ATP9A: variants seen among roughly 807,000 people sequenced by gnomAD.
ATP9A encodes ATPase phospholipid transporting 9A.
In ATP9A, 52 loss-of-function variants were observed where a neutral mutation model predicts 144.1. The ratio of observed to expected loss-of-function variants is 0.36; its 90% confidence interval spans 0.29 to 0.45. ATP9A has a LOEUF of 0.45. Among genes scored for constraint, ATP9A ranks in the 20% least tolerant of loss-of-function variants. The pLI is 1.00. For synonymous variants in ATP9A, 582 were observed against 557.4 expected, an observed-to-expected ratio of 1.04 and a Z score of -0.62; for missense variants, 947 against 1,392.7, an observed-to-expected ratio of 0.68 and a Z score of 5.09.
intron 1 of ATP9A, among the ~76,000 whole-genome samples, chr20:51,743,936 G>A (rs1045980858): frequency 2.0e-5 from 3 of 151,222 alleles, no homozygotes; most frequent in Non-Finnish European, 2.9e-5. Context: ...GAACCCTGGA[G>A]GTGGAGGTTG....
intron 13 of ATP9A, among the ~76,000 whole-genome samples, chr20:51,663,695 G>C (rs2077420595): frequency 6.6e-6 from 1 of 151,678 alleles, no homozygotes; most frequent in South Asian, 2.1e-4. Context: ...TTGGGAGGCT[G>C]AGGCAAGAGA....
intron 15 of ATP9A, among the ~76,000 whole-genome samples, chr20:51,638,894 T>C (rs1286303797): frequency 6.6e-6 from 1 of 152,176 alleles, no homozygotes; most frequent in Non-Finnish European, 1.5e-5. Context: ...TTTTTTAACG[T>C]GCCCGGCCAC....
chr20:51,672,625 T>G (rs560089351), intron 11 of ATP9A, among the ~76,000 whole-genome samples: 15 of 152,110 alleles, frequency 9.9e-5, no homozygotes, highest in Admixed American at 2.6e-4. Flanking sequence ...AGACAAATTC[T>G]CACCAAGATG....
At chr20:51,719,030 C>T (rs577402917) in intron 3 of ATP9A, among the ~76,000 whole-genome samples, 7 of 147,296 alleles carry the variant, frequency 4.8e-5, no homozygotes, top group South Asian at 4.4e-4. Flanking sequence ...CAAGAGGCTG[C>T]GGCAGGAGAA....
intron 9 of ATP9A, among the ~76,000 whole-genome samples, chr20:51,682,738 C>T (rs1232956992): frequency 2.7e-5 from 4 of 149,476 alleles, no homozygotes; most frequent in Admixed American, 6.7e-5. Context: ...ATTACAGGCA[C>T]GCACCACCAC....
At chr20:51,651,590 A>G (rs1467327739) in intron 14 of ATP9A, among the ~76,000 whole-genome samples, 1 of 151,626 alleles carries the variant, frequency 6.6e-6, no homozygotes, top group Non-Finnish European at 1.5e-5. Flanking sequence ...TTGATTCTAC[A>G]ATTTCTCCCT....
chr20:51,690,077 A>T (rs1296090894), intron 8 of ATP9A, among the ~76,000 whole-genome samples: 1 of 131,020 alleles, frequency 7.6e-6, no homozygotes, highest in Admixed American at 9.5e-5. Context: ...GCGCCACTGC[A>T]CTCCAGCCTA....
chr20:51,648,919 T>C (rs1007174663), intron 14 of ATP9A, among the ~76,000 whole-genome samples: 3 of 152,122 alleles, frequency 2.0e-5, no homozygotes, highest in South Asian at 2.1e-4. Context: ...AAGTGAAACA[T>C]GCTCATTTTA....
intron 11 of ATP9A, 69 bp downstream of exon 11, chr20:51,674,084 C>A: frequency 6.7e-7 from 1 of 1,503,472 alleles, no homozygotes; most frequent in South Asian, 1.2e-5. Context: ...GCCACAGAAC[C>A]ATCATCTTTG....
intron 7 of ATP9A, 107 bp from the exon 8 acceptor site, chr20:51,690,926 A>C: frequency 2.3e-6 from 2 of 867,496 alleles, no homozygotes; most frequent in Non-Finnish European, 3.8e-6. Context: ...CACACAGCAA[A>C]TGGCCCCTCA....
At chr20:51,715,149 C>T (rs1461189454) in intron 3 of ATP9A, among the ~76,000 whole-genome samples, 1 of 152,102 alleles carries the variant, frequency 6.6e-6, no homozygotes, top group Admixed American at 6.6e-5. Context: ...CATAGTTTAC[C>T]CTGTGAAATA....
At chr20:51,618,083 G>C (rs2077210707) in intron 21 of ATP9A, among the ~76,000 whole-genome samples, 1 of 152,024 alleles carries the variant, frequency 6.6e-6, no homozygotes, top group Non-Finnish European at 1.5e-5. Context: ...AGCCACACGT[G>C]GTGGTGCACG....
chr20:51,651,307 A>AT (rs1395163601), intron 14 of ATP9A, among the ~76,000 whole-genome samples: 11,596 of 125,396 alleles, frequency 0.092, 1,785 homozygotes, highest in East Asian at 0.22. Flanking sequence ...ATATATTTAC[A>AT]TAATATATTA....
chr20:51,613,859 T>C (rs745739665), intron 22 of ATP9A, 27 bp from the exon 23 acceptor site: 2 of 1,596,950 alleles, frequency 1.3e-6, no homozygotes, highest in Non-Finnish European at 1.7e-6. Context: ...TTAGGCACCA[T>C]CAGAAGCACA....
At position 51,681,468 on chromosome 20, in the gene ATP9A, C is replaced by G. The variant is rs189347531; in HGVS notation, c.800-5260G>C. ...GAGGAGTCTCACTTTGTCGCCCAGGCTGGAGTGCAGTGGTGCAATTTCGGC... is the reference window on the plus strand; with the variant it reads ...GAGGAGTCTCACTTTGTCGCCCAGGGTGGAGTGCAGTGGTGCAATTTCGGC... On this transcript the variant is annotated intron_variant, in intron 9 of 27. Coordinates refer to ENST00000338821, the MANE Select transcript of ATP9A (RefSeq NM_006045.3). Among the ~76,000 whole-genome samples the G allele has an allele frequency of 4.5e-4, 66 of 147,952 alleles. 1 individual carries two copies. In the East Asian group the frequency reaches 0.012, roughly 27 times the overall value.
rs762019298 is a variant in ATP9A at position 51,657,134 on chromosome 20, G to A, written c.1310C>T (p.Pro437Leu). 3.2e-5 allele frequency: 52 copies of A among 1,613,890 alleles called. No homozygotes were observed. The highest frequency in any genetic ancestry group is 4.5e-5 in the East Asian group (2 of 44,884). ...SIYTQQSQDP[P>L]AQKGPTLTTK... ...GGTGAGCGTTGGGCCCTTCTGAGCCGGTGGGTCCTGGGATTGCTACAGGAA... is the reference window on the plus strand; with the variant it reads ...GGTGAGCGTTGGGCCCTTCTGAGCCAGTGGGTCCTGGGATTGCTACAGGAA... Residue 437 changes from proline (P) to leucine (L), a missense_variant, in exon 14 of 28, where the codon CCG becomes CTG. Pro to Leu is a moderately conservative substitution (Grantham distance 98). Coordinates refer to ENST00000338821, the MANE Select transcript of ATP9A (RefSeq NM_006045.3).
At chr20:51,687,614 ATTAGCTGGGCC>A (rs2077528773) in intron 9 of ATP9A, among the ~76,000 whole-genome samples, 2 of 152,140 alleles carry the variant, frequency 1.3e-5, no homozygotes, top group Non-Finnish European at 2.9e-5. Context: ...GTATTTAAAA[ATTAGCTGGGCC>A]TGGTGGCATG....
chr20:51,700,587 T>C (rs1051159756), intron 4 of ATP9A, among the ~76,000 whole-genome samples: 1 of 152,118 alleles, frequency 6.6e-6, no homozygotes, highest in African/African-American at 2.4e-5. Flanking sequence ...TCCCAACACT[T>C]TGGGAGGCCG....
Position 51,599,137 on chromosome 20 carries a change from C to T in ATP9A, c.*2074G>A, listed in dbSNP as rs1050137954. 2 of 152,228 alleles carry T rather than the reference C, an allele frequency of 1.3e-5. No homozygotes were observed. The highest frequency in any genetic ancestry group is 1.9e-4 in the East Asian group (1 of 5,194). 9.4% of individuals were successfully genotyped at this position (152,228 alleles called of 1,614,324 possible). A position where few individuals can be genotyped will look rare whatever the true frequency, so the allele number is the denominator to read the frequency against. ...GCTGGAAACCTCTAAAACTTTCTGA[C>T]GAGGCTCCCACACGCCCTGCCTGCA... On this transcript the variant is annotated 3_prime_UTR_variant, in exon 28 of 28. Coordinates refer to ENST00000338821, the MANE Select transcript of ATP9A (RefSeq NM_006045.3).
Sources: allele counts gnomAD v4.1 joint callset (sites outside exome capture counted in the v4.1 genomes callset), GRCh38; gene constraint gnomAD v4.1.1; transcripts MANE v1.5; gene names NCBI Gene and HGNC (gene_info 2026-07-23, HGNC 2026-07-21).